The following NEK8 variants were observed in gnomAD, a reference collection of about 807,000 sequenced individuals.
NEK8 encodes the protein serine/threonine-protein kinase Nek8.
A neutral mutation model predicts 77.2 loss-of-function variants in NEK8; 51 were observed. That is an observed-to-expected ratio of 0.66 (90% CI 0.53 to 0.83). The LOEUF (loss-of-function observed/expected upper bound fraction) is 0.83. Among genes scored for constraint, NEK8 ranks in the 40% least tolerant of loss-of-function variants. The probability of loss-of-function intolerance (pLI) is 0.00; values close to 1 mark genes in which losing one functional copy is unlikely to be tolerated. For missense variants in NEK8, 787 were observed against 909.2 expected (o/e 0.87, Z 1.73); for synonymous variants, 365 against 363.2 (o/e 1.00, Z -0.06).
At chr17:28,729,785 A>T (rs2034289317) in intron 1 of NEK8, among the ~76,000 whole-genome samples, 1 of 152,076 alleles carries the variant, frequency 6.6e-6, no homozygotes, top group African/African-American at 2.4e-5. Context: ...ACCTCAGGTG[A>T]TCCGCCCGCG....
At chr17:28,736,150 C>T (rs553428544) in intron 4 of NEK8, among the ~76,000 whole-genome samples, 1 of 152,232 alleles carries the variant, frequency 6.6e-6, no homozygotes, top group African/African-American at 2.4e-5. Context: ...GTGTATGTGC[C>T]ACGTTTTCTT....
In NEK8 at chr17:28,737,237, G is replaced by A. The variant is rs2034373500; in HGVS notation, c.619-69G>A. On this transcript the variant is annotated intron_variant, in intron 4 of 14. Transcript: ENST00000268766. This position sits in a 1 kb window ranked among gnomAD's most constrained non-coding sequence, Gnocchi z 4.8. Reference sequence around the variant, plus strand: ...CCAGGCAAAGCTGTTATTATCCCAGGAGACCAGGGGCTGGAGCTGGGGGGT... The same window carrying A: ...CCAGGCAAAGCTGTTATTATCCCAGAAGACCAGGGGCTGGAGCTGGGGGGT... 4 of 1,492,568 alleles carry A rather than the reference G, an allele frequency of 2.7e-6. No homozygotes were observed. Among genetic ancestry groups the A allele is most frequent in the Non-Finnish European group, 3.6e-6 (4 of 1,097,868 alleles). 92.5% of individuals were successfully genotyped at this position (1,492,568 alleles called of 1,614,324 possible). A position where few individuals can be genotyped will look rare whatever the true frequency, so the allele number is the denominator to read the frequency against.
chr17:28,730,429 T>A (rs2034295809), intron 1 of NEK8, among the ~76,000 whole-genome samples: 1 of 152,004 alleles, frequency 6.6e-6, no homozygotes, highest in Non-Finnish European at 1.5e-5. Flanking sequence ...TGTGCCACCA[T>A]GCCTGGCTAA....
In NEK8 at chr17:28,742,307, A is replaced by AATTC; in HGVS notation, c.*321_*322insTTCA. On this transcript the variant is annotated 3_prime_UTR_variant, in exon 15 of 15. Transcript: ENST00000268766. ...CCAGAGCCTTGCCATAAAAAGGCTG[A>AATTC]AGGCAGCCGGGCGCAGTGGCTCACG... 2.1e-6 allele frequency: 1 copy of AATTC among 484,676 alleles called. No homozygotes were observed. Among genetic ancestry groups the AATTC allele is most frequent in the Non-Finnish European group, 3.8e-6 (1 of 264,408 alleles). The allele number at this position is 484,676 out of a possible 1,614,324, so 30.0% of individuals were successfully genotyped here. A position where few individuals can be genotyped will look rare whatever the true frequency, so the allele number is the denominator to read the frequency against.
intron 1 of NEK8, among the ~76,000 whole-genome samples, chr17:28,731,976 G>A (rs1332248721): frequency 9.4e-6 from 1 of 106,204 alleles, no homozygotes; most frequent in Non-Finnish European, 1.8e-5. Context: ...TATCTTCTAG[G>A]CTGGACTGCA....
intron 4 of NEK8, 54 bp downstream of exon 4, chr17:28,735,425 C>G: frequency 6.3e-7 from 1 of 1,582,630 alleles, no homozygotes; most frequent in South Asian, 1.1e-5. Flanking sequence ...CCTCGCCCAG[C>G]AGCCCTTGGC....
intron 2 of NEK8, chr17:28,734,479 T>G: frequency 1.8e-6 from 1 of 557,514 alleles, no homozygotes; most frequent in East Asian, 3.1e-5. Context: ...ATCGAGACCA[T>G]CCTGTTTAAC....
chr17:28,729,003 G>C, intron 1 of NEK8, 143 bp downstream of exon 1: 2 of 755,524 alleles, frequency 2.6e-6, no homozygotes, highest in East Asian at 2.7e-5. Flanking sequence ...TCCGGTCCCA[G>C]TCCCCCGGGG....
rs1271672065 is a variant in NEK8, at chr17:28,740,059, G to A, written c.1418-404G>A. Among the ~76,000 whole-genome samples, 3 of 152,020 alleles carry A rather than the reference G, an allele frequency of 2.0e-5. No individual in the cohort carries two copies. The highest frequency in any genetic ancestry group is 4.1e-4 in the South Asian group (2 of 4,820). On this transcript the variant is annotated intron_variant, in intron 10 of 14. Transcript: ENST00000268766. The surrounding 1 kb of genome is among the most constrained non-coding windows in gnomAD (Gnocchi z 4.7). ...CCAGCACTTTGGGAGGCCGAGGCAGGTGGATCACAAGGTCAGGAGTTCAAG... is the reference window on the plus strand; with the variant it reads ...CCAGCACTTTGGGAGGCCGAGGCAGATGGATCACAAGGTCAGGAGTTCAAG...
chr17:28,731,050 C>T (rs2034301524), intron 1 of NEK8, among the ~76,000 whole-genome samples: 1 of 148,558 alleles, frequency 6.7e-6, no homozygotes, highest in Non-Finnish European at 1.5e-5. Context: ...GTCAAGAGTT[C>T]GAGACCAGCC....
At chr17:28,732,056 G>A (rs1357954713) in intron 1 of NEK8, among the ~76,000 whole-genome samples, 3 of 149,248 alleles carry the variant, frequency 2.0e-5, no homozygotes, top group Admixed American at 6.7e-5. Flanking sequence ...TCAGTCTCCC[G>A]AGTAGCTGGG....
In NEK8 at chr17:28,734,863, A is replaced by G. The variant is rs2034347336; in HGVS notation, c.345A>G (p.Ala115=). Residue 115 remains alanine (A), a synonymous_variant, in exon 3 of 15, where the codon GCA becomes GCG. Transcript: ENST00000268766. ...ILHFFVQILL[A]LHHVHTHLIL... ...ACTTCTTCGTGCAGATCCTGCTTGCACTGCATCATGTGCACACCCACCTCA... is the reference window on the plus strand; with the variant it reads ...ACTTCTTCGTGCAGATCCTGCTTGCGCTGCATCATGTGCACACCCACCTCA... 6.2e-7 allele frequency: 1 copy of G among 1,613,800 alleles called. No homozygotes were observed. The highest frequency in any genetic ancestry group is 1.1e-5 in the South Asian group (1 of 91,070).
Position 28,740,679 on chromosome 17 carries a change from C to G in NEK8, c.1568+66C>G. 6.3e-7 allele frequency: 1 copy of G among 1,594,370 alleles called. No individual in the cohort carries two copies. The highest frequency in any genetic ancestry group is 8.6e-7 in the Non-Finnish European group (1 of 1,162,516). The stretch of plus-strand genomic sequence containing the variant: ...CCTTGGCTGCAAGTGCTCCGTCCAT[C>G]ATTGCCTACCTTTCACCAAAGACCA... On this transcript the variant is annotated intron_variant, in intron 11 of 14. Transcript: ENST00000268766. This position sits in a 1 kb window ranked among gnomAD's most constrained non-coding sequence, Gnocchi z 4.7.
In NEK8 at chr17:28,730,328, G is replaced by A. The variant is rs982159833; in HGVS notation, c.47+1468G>A. On this transcript the variant is annotated intron_variant, in intron 1 of 14. Transcript: ENST00000268766. ...TTTGTGAGACAGAGTCTCCTCTGTT[G>A]CCCAGGCTGGAGTGCAATGGCACCA... 2.7e-5 allele frequency among the ~76,000 whole-genome samples: 3 copies of A among 112,922 alleles called. No individual in the cohort carries two copies. The East Asian group carries it at 7.9e-4, about 30-fold the overall frequency. 74.1% of individuals were successfully genotyped at this position (112,922 alleles called of 152,430 possible). A position where few individuals can be genotyped will look rare whatever the true frequency, so the allele number is the denominator to read the frequency against.
rs878915879 is a variant in NEK8, at chr17:28,735,311, C to A, written c.558C>A (p.Ile186=). The change falls in exon 4 of 15, where the codon ATC becomes ATA. Residue 186 remains isoleucine, a synonymous_variant. Coordinates refer to ENST00000268766, the MANE Select transcript of NEK8 (RefSeq NM_178170.3). The part of the protein sequence containing the change: ...EGKPYNQKSD[I]WALGCVLYEL... ...AGCCCTACAACCAGAAGAGTGACAT[C>A]TGGGCCCTGGGCTGTGTCCTCTACG... The A allele has an allele frequency of 1.4e-5, 22 of 1,613,994 alleles. No homozygotes were observed. The South Asian group carries it at 2.0e-4, about 14-fold the overall frequency.
Position 28,734,953 on chromosome 17 carries a change from C to G in NEK8, c.435C>G (p.Ile145Met). The G allele has an allele frequency of 6.2e-7, 1 of 1,613,408 alleles. No individual in the cohort carries two copies. The highest frequency in any genetic ancestry group is 8.5e-7 in the Non-Finnish European group (1 of 1,179,986). Reference sequence around the variant, plus strand: ...ACAAACACCGCATGGTCGTCAAGATCGGTGATTTCGGCATCTCCAAGATCC... The same window carrying G: ...ACAAACACCGCATGGTCGTCAAGATGGGTGATTTCGGCATCTCCAAGATCC... The part of the protein sequence containing the change: ...LLDKHRMVVK[I>M]GDFGISKILS... Residue 145 changes from isoleucine to methionine, a missense_variant, in exon 3 of 15, where the codon ATC becomes ATG. By Grantham distance (10) the Ile-to-Met change is conservative. This residue lies in a region of NEK8 where 271 missense variants were observed against 365.1 expected (regional missense o/e 0.74). Coordinates refer to ENST00000268766, the MANE Select transcript of NEK8 (RefSeq NM_178170.3).
At chr17:28,729,179 T>C (rs1208930202) in intron 1 of NEK8, among the ~76,000 whole-genome samples, 1 of 152,290 alleles carries the variant, frequency 6.6e-6, no homozygotes, top group Non-Finnish European at 1.5e-5. Flanking sequence ...CGTGGTCTTT[T>C]CCCTCTTGGA....
intron 1 of NEK8, among the ~76,000 whole-genome samples, chr17:28,731,965 C>A (rs1194655131): frequency 1.1e-5 from 1 of 91,170 alleles, no homozygotes; most frequent in African/African-American, 4.3e-5. Context: ...GAGTCTTGCT[C>A]TATCTTCTAG....
At chr17:28,734,576 AAGG>A (rs766775932) in intron 2 of NEK8, 193 bp from the exon 3 acceptor site, 488 of 603,088 alleles carry the variant, frequency 8.1e-4, no homozygotes, top group Non-Finnish European at 1.2e-3. Context: ...CCCAGCTACT[AAGG>A]AGGCTGAGGC....
Sources: gnomAD v4.1 joint callset for allele counts (sites outside exome capture counted in the v4.1 genomes callset) on GRCh38, gnomAD v4.1.1 for gene constraint, gnomAD v4.1.1 regional missense constraint, Gnocchi (gnomAD v3.1) non-coding constraint, MANE v1.5 for transcripts, NCBI Gene and HGNC (gene_info 2026-07-23, HGNC 2026-07-21) for gene names.